CBR4: variants seen among roughly 807,000 people sequenced by gnomAD.
CBR4 encodes the protein 3-oxoacyl-[acyl-carrier-protein] reductase.
CBR4 carries 22 observed loss-of-function variants against 21.0 expected under a neutral mutation model. The observed-to-expected ratio is 1.05, with a 90% confidence interval of 0.75 to 1.50. The LOEUF (loss-of-function observed/expected upper bound fraction) is 1.50, where lower values mean the gene tolerates loss of function less well. Ranked by LOEUF, CBR4 falls within the 40% of genes most tolerant of loss-of-function variation. CBR4 has a pLI of 0.00. For missense variants in CBR4, 302 were observed against 286.3 expected, an observed-to-expected ratio of 1.05 and a Z score of -0.40; for synonymous variants, 100 against 104.4, an observed-to-expected ratio of 0.96 and a Z score of 0.26.
intron 2 of CBR4, among the ~76,000 whole-genome samples, chr4:168,931,874 G>A (rs1047567853): frequency 6.6e-6 from 1 of 151,936 alleles, no homozygotes; most frequent in African/African-American, 2.4e-5. Flanking sequence ...CTACAGTACT[G>A]CATCCACCTA....
chr4:168,998,329 A>G (rs995641243), intron 4 of CBR4, among the ~76,000 whole-genome samples: 2 of 152,202 alleles, frequency 1.3e-5, no homozygotes, highest in Non-Finnish European at 2.9e-5. Flanking sequence ...ACAAAACTAA[A>G]TGTCCATCAA....
At chr4:168,896,617 T>C in intron 2 of CBR4, 1 of 1,416,934 alleles carries the variant, frequency 7.1e-7, no homozygotes, top group East Asian at 2.5e-5. Context: ...TTTTCACCTT[T>C]CTTCTCCTTC....
In CBR4 at chr4:168,933,468, T is replaced by C. The variant is rs572428287; in HGVS notation, n.170-38703A>G. 1.4e-3 allele frequency among the ~76,000 whole-genome samples: 207 copies of C among 152,258 alleles called. 2 individuals carry two copies. The highest frequency in any genetic ancestry group is 2.1e-3 in the South Asian group (10 of 4,824). ...TCAATTCAGCAAGAAGACATAACAA[T>C]GGTAAATATATATGCACCCAACACT... On this transcript the variant is annotated intron_variant and non_coding_transcript_variant, in intron 2 of 3. Coordinates refer to the CBR4 transcript ENST00000509108.
intron 2 of CBR4, among the ~76,000 whole-genome samples, chr4:168,935,332 C>A (rs893187148): frequency 6.6e-6 from 1 of 152,196 alleles, no homozygotes; most frequent in African/African-American, 2.4e-5. Context: ...CAAAACTGGG[C>A]AGCCATTTGG....
At chr4:168,983,616 C>CTAAA (rs1158861663), downstream of CBR4, among the ~76,000 whole-genome samples, 1 of 151,944 alleles carries the variant, frequency 6.6e-6, no homozygotes, top group East Asian at 1.9e-4. Flanking sequence ...AAAAAGAAAA[C>CTAAA]TTTAGGCCAG....
intron 3 of CBR4, among the ~76,000 whole-genome samples, chr4:169,004,694 A>G (rs1730753521): frequency 6.6e-6 from 1 of 152,162 alleles, no homozygotes; most frequent in Non-Finnish European, 1.5e-5. Context: ...ATTCCGGTGG[A>G]GCAGAACCAA....
intron 2 of CBR4, among the ~76,000 whole-genome samples, chr4:168,950,893 C>T (rs1364187990): frequency 6.6e-6 from 1 of 152,132 alleles, no homozygotes; most frequent in Non-Finnish European, 1.5e-5. Context: ...TTTTGTCTAA[C>T]ATAAGAATAG....
chr4:168,957,120 T>A (rs1763710956), intron 2 of CBR4, among the ~76,000 whole-genome samples: 1 of 152,146 alleles, frequency 6.6e-6, no homozygotes, highest in Non-Finnish European at 1.5e-5. Flanking sequence ...TCCATCACTC[T>A]CAGGAAGAAG....
intron 2 of CBR4, among the ~76,000 whole-genome samples, chr4:168,921,310 G>C (rs1761441528): frequency 6.9e-6 from 1 of 145,228 alleles, no homozygotes; most frequent in Admixed American, 7.4e-5. Context: ...AGGAGGCTGA[G>C]ACAGGAGAAT....
intron 2 of CBR4, chr4:168,916,114 A>C: frequency 1.5e-6 from 2 of 1,306,946 alleles, no homozygotes; most frequent in Non-Finnish European, 2.2e-6. Flanking sequence ...GGGAAATTAC[A>C]TAAAGTATAA....
intron 1 of CBR4, chr4:169,008,854 T>G: frequency 2.5e-6 from 1 of 402,776 alleles, no homozygotes; most frequent in South Asian, 1.8e-5. Context: ...ACTTACAGAA[T>G]CTTTTTTCTT....
At chr4:168,961,248 T>C (rs1033769799) in intron 2 of CBR4, among the ~76,000 whole-genome samples, 33 of 152,188 alleles carry the variant, frequency 2.2e-4, no homozygotes, top group African/African-American at 6.5e-4. Flanking sequence ...AAGTGCCAAG[T>C]TTTCATCCCT....
intron 2 of CBR4, among the ~76,000 whole-genome samples, chr4:168,965,066 A>G (rs1352346273): frequency 1.3e-5 from 2 of 152,178 alleles, no homozygotes; most frequent in Admixed American, 1.3e-4. Flanking sequence ...GCAAAGTCTC[A>G]GGATACAAAA....
At chr4:168,918,218 A>G (rs903691924) in intron 2 of CBR4, among the ~76,000 whole-genome samples, 1 of 151,728 alleles carries the variant, frequency 6.6e-6, no homozygotes, top group African/African-American at 2.4e-5. Context: ...AGAAAATGAA[A>G]TCAGTAGCAA....
In CBR4 at chr4:168,913,068, A is replaced by G. The variant is rs139009280; in HGVS notation, n.170-18303T>C. Among the ~76,000 whole-genome samples, 298 of 151,676 alleles carry G rather than the reference A, an allele frequency of 2.0e-3. 2 individuals are homozygous for G. The highest frequency in any genetic ancestry group is 6.8e-3 in the African/African-American group (282 of 41,324). On this transcript the variant is annotated intron_variant and non_coding_transcript_variant, in intron 2 of 3. Coordinates refer to the CBR4 transcript ENST00000509108. ...AAGCTCTCCTTATCATCCCACGCAT[A>G]CTTCTTACATAACACTCATTTTATC...
intron 2 of CBR4, among the ~76,000 whole-genome samples, chr4:168,972,470 T>C (rs1252506466): frequency 1.3e-5 from 2 of 152,240 alleles, no homozygotes; most frequent in Non-Finnish European, 1.5e-5. Context: ...CAGTGTTTTG[T>C]AGTTTTCCTT....
chr4:168,914,013 T>C lies in CBR4; in HGVS notation n.170-19248A>G, dbSNP rs764032112. 2 of 1,589,988 alleles carry C rather than the reference T, an allele frequency of 1.3e-6. No individual in the cohort carries two copies. Among genetic ancestry groups the C allele is most frequent in the South Asian group, 2.2e-5 (2 of 90,580 alleles). ...CCCGGTCTCCCTCAGGCCATCCTCATGTCAGAAGGTATTTAACATGTTCCT... is the reference window on the plus strand; with the variant it reads ...CCCGGTCTCCCTCAGGCCATCCTCACGTCAGAAGGTATTTAACATGTTCCT... On this transcript the variant is annotated intron_variant and non_coding_transcript_variant, in intron 2 of 3. Coordinates refer to the CBR4 transcript ENST00000509108.
intron 4 of CBR4, among the ~76,000 whole-genome samples, chr4:168,998,277 G>T (rs548577632): frequency 4.6e-5 from 7 of 152,248 alleles, no homozygotes; most frequent in Middle Eastern, 3.4e-3. Context: ...CTCCATACAA[G>T]TATTGTCACT....
intron 2 of CBR4, among the ~76,000 whole-genome samples, chr4:168,941,506 C>T (rs976669026): frequency 5.3e-5 from 8 of 152,064 alleles, no homozygotes; most frequent in Non-Finnish European, 8.8e-5. Flanking sequence ...CAACATCCCT[C>T]TACACAAACA....
Sources: allele counts gnomAD v4.1 joint callset (sites outside exome capture counted in the v4.1 genomes callset), GRCh38; gene constraint gnomAD v4.1.1; transcripts MANE v1.5; gene names NCBI Gene and HGNC (gene_info 2026-07-23, HGNC 2026-07-21).